The following TMTC1 variants were observed in gnomAD, a reference collection of about 807,000 sequenced individuals.
TMTC1 encodes the protein protein O-mannosyl-transferase TMTC1.
A neutral mutation model predicts 104.8 loss-of-function variants in TMTC1; 73 were observed. The observed-to-expected ratio is 0.70, with a 90% confidence interval of 0.58 to 0.85. The LOEUF (loss-of-function observed/expected upper bound fraction) is 0.85, where lower values mean the gene tolerates loss of function less well. TMTC1 is among the 40% of genes least tolerant of loss of function. The probability of loss-of-function intolerance (pLI) is 0.00; values close to 1 mark genes in which losing one functional copy is unlikely to be tolerated. For synonymous variants in TMTC1, 434 were observed against 428.7 expected (o/e 1.01, Z -0.15); for missense variants, 1,035 against 1,096.1 (o/e 0.94, Z 0.79).
chr12:29,600,832 G>T (rs1257455012), intron 7 of TMTC1, among the ~76,000 whole-genome samples: 1 of 152,162 alleles, frequency 6.6e-6, no homozygotes, highest in Non-Finnish European at 1.5e-5. Context: ...GATGGTACGT[G>T]TTAGTCCAGG....
At chr12:29,604,960 T>C (rs1483696150) in intron 6 of TMTC1, among the ~76,000 whole-genome samples, 3 of 152,010 alleles carry the variant, frequency 2.0e-5, no homozygotes, top group Admixed American at 6.6e-5. Context: ...ATTATATATC[T>C]TTATTTGCAA....
At chr12:29,519,711 C>G (rs1944094071) in intron 12 of TMTC1, 1 of 152,092 alleles carries the variant, frequency 6.6e-6, no homozygotes, top group Non-Finnish European at 1.5e-5. Context: ...GTTAGACCTG[C>G]CCAACTAGAG....
chr12:29,780,037 A>G (rs1225903876), intron 1 of TMTC1, among the ~76,000 whole-genome samples: 1 of 152,218 alleles, frequency 6.6e-6, no homozygotes, highest in Non-Finnish European at 1.5e-5. Context: ...AATGCACAGA[A>G]ACTGGATTAC....
chr12:29,690,436 A>G (rs1009538997), intron 5 of TMTC1, among the ~76,000 whole-genome samples: 2 of 152,238 alleles, frequency 1.3e-5, no homozygotes, highest in African/African-American at 4.8e-5. Context: ...AAGTGTGACA[A>G]TAAAGTAATG....
In TMTC1 at chr12:29,606,977, C is replaced by A. The variant is rs577840189; in HGVS notation, c.1129-2678G>T. ...GGGAGCACAGCCAACCTTCCTGCCC[C>A]CCCCCCTCACTCACGGACACCCGTA... On this transcript the variant is annotated intron_variant, in intron 6 of 17. Transcript: ENST00000539277. Among the ~76,000 whole-genome samples, 65 of 152,080 alleles carry A rather than the reference C, an allele frequency of 4.3e-4. No homozygotes were observed. The East Asian group carries it at 8.7e-3, about 20-fold the overall frequency.
At chr12:29,774,882 T>G (rs116623189) in intron 1 of TMTC1, among the ~76,000 whole-genome samples, 1 of 152,144 alleles carries the variant, frequency 6.6e-6, no homozygotes, top group African/African-American at 2.4e-5. Context: ...AGAGGGGAGA[T>G]TGATACTCTG....
chr12:29,729,786 C>T (rs545155213), intron 5 of TMTC1, among the ~76,000 whole-genome samples: 6 of 152,176 alleles, frequency 3.9e-5, no homozygotes, highest in African/African-American at 7.2e-5. Flanking sequence ...ATTTTATGCA[C>T]GTGTACTATG....
At chr12:29,723,258 A>G (rs1942289468) in intron 5 of TMTC1, among the ~76,000 whole-genome samples, 1 of 152,180 alleles carries the variant, frequency 6.6e-6, no homozygotes, top group African/African-American at 2.4e-5. Flanking sequence ...TAGTCTCAAC[A>G]TAATTCTAAT....
At chr12:29,716,052 T>C (rs1025422639) in intron 5 of TMTC1, among the ~76,000 whole-genome samples, 65 of 150,718 alleles carry the variant, frequency 4.3e-4, no homozygotes, top group African/African-American at 1.6e-3. Flanking sequence ...AGGGTCTCAC[T>C]CTGTCACCCA....
At chr12:29,521,528 G>C (rs940696769) in intron 11 of TMTC1, among the ~76,000 whole-genome samples, 1 of 150,074 alleles carries the variant, frequency 6.7e-6, no homozygotes, top group Non-Finnish European at 1.5e-5. Context: ...TAGTAATTCT[G>C]AGTTACTTTT....
chr12:29,728,272 T>C (rs1478395441), intron 5 of TMTC1, among the ~76,000 whole-genome samples: 1 of 151,746 alleles, frequency 6.6e-6, no homozygotes, highest in Non-Finnish European at 1.5e-5. Context: ...GACAGCAGAG[T>C]ACATCCTGTC....
At chr12:29,758,617 A>T in intron 3 of TMTC1, 87 bp downstream of exon 3, 1 of 1,287,396 alleles carries the variant, frequency 7.8e-7, no homozygotes, top group African/African-American at 1.5e-5. Flanking sequence ...CACAACCAGA[A>T]GCTTCTCTCC....
rs66652706 is a variant in TMTC1, at chr12:29,668,454, C to CTTTTTTTTTTTTT, written c.939-35131_939-35119dup. Among the ~76,000 whole-genome samples the CTTTTTTTTTTTTT allele has an allele frequency of 6.5e-4, 59 of 90,090 alleles. 3 individuals carry two copies. Among genetic ancestry groups the CTTTTTTTTTTTTT allele is most frequent in the East Asian group, 5.0e-3 (13 of 2,626 alleles). The allele number at this position is 90,090 out of a possible 152,430, so 59.1% of individuals were successfully genotyped here. On this transcript the variant is annotated intron_variant, in intron 5 of 17. Coordinates refer to ENST00000539277, the MANE Select transcript of TMTC1 (RefSeq NM_001193451.2). ...CCACATTCAAACCATACCAACTTAT[C>CTTTTTTTTTTTTT]TTTTTTTTTTTTTTTTTTTTTTTTG...
At chr12:29,752,868 T>C (rs1943125744) in intron 4 of TMTC1, among the ~76,000 whole-genome samples, 1 of 152,254 alleles carries the variant, frequency 6.6e-6, no homozygotes, top group Non-Finnish European at 1.5e-5. Context: ...AGGATTGTGA[T>C]TCCCTCTGGA....
At chr12:29,582,468 A>G (rs1946008686) in intron 8 of TMTC1, among the ~76,000 whole-genome samples, 1 of 152,232 alleles carries the variant, frequency 6.6e-6, no homozygotes. Flanking sequence ...AGTTCAGCCA[A>G]AAAGCTTTCT....
chr12:29,602,534 A>G (rs1946595276), intron 7 of TMTC1, among the ~76,000 whole-genome samples: 1 of 152,202 alleles, frequency 6.6e-6, no homozygotes, highest in Non-Finnish European at 1.5e-5. Flanking sequence ...TAGAGGAATC[A>G]CGATCATGTT....
At chr12:29,578,939 G>A (rs1332721867) in intron 8 of TMTC1, among the ~76,000 whole-genome samples, 1 of 152,140 alleles carries the variant, frequency 6.6e-6, no homozygotes, top group African/African-American at 2.4e-5. Context: ...TTTAAATCAA[G>A]TGCTGGGCTA....
intron 5 of TMTC1, among the ~76,000 whole-genome samples, chr12:29,741,342 A>AGG (rs1942819634): frequency 1.3e-5 from 2 of 152,196 alleles, no homozygotes; most frequent in Non-Finnish European, 2.9e-5. Context: ...TAACTCTCAC[A>AGG]CAGTTTCTAA....
Position 29,751,653 on chromosome 12 carries a change from C to T in TMTC1, c.938+13G>A, listed in dbSNP as rs1369476105. ...TTGAAAACATGCAGGGACCAAGAAACCCAGCCCAGTACCTCATCATGGACC... is the reference window on the plus strand; with the variant it reads ...TTGAAAACATGCAGGGACCAAGAAATCCAGCCCAGTACCTCATCATGGACC... On this transcript the variant is annotated intron_variant, in intron 5 of 17. Transcript: ENST00000539277. The T allele has an allele frequency of 2.5e-6, 4 of 1,613,918 alleles. No individual in the cohort carries two copies. Among genetic ancestry groups the T allele is most frequent in the Non-Finnish European group, 3.4e-6 (4 of 1,179,978 alleles).
Sources: gnomAD v4.1 joint callset for allele counts (sites outside exome capture counted in the v4.1 genomes callset) on GRCh38, gnomAD v4.1.1 for gene constraint, MANE v1.5 for transcripts, NCBI Gene and HGNC (gene_info 2026-07-23, HGNC 2026-07-21) for gene names.